NXPE2: variants seen among roughly 807,000 people sequenced by gnomAD.
NXPE2 encodes NXPE family member 2.
In NXPE2, 34 loss-of-function variants were observed where a neutral mutation model predicts 34.4. That is an observed-to-expected ratio of 0.99 (90% CI 0.75 to 1.31). The LOEUF (loss-of-function observed/expected upper bound fraction) is 1.31. Ranked by LOEUF, NXPE2 falls within the 40% of genes most tolerant of loss-of-function variation. The pLI, the probability that NXPE2 is intolerant of heterozygous loss-of-function variation, is 0.00. For missense variants in NXPE2, 649 were observed against 672.5 expected, an observed-to-expected ratio of 0.97 and a Z score of 0.39; for synonymous variants, 235 against 231.3, an observed-to-expected ratio of 1.02 and a Z score of -0.15.
chr11:114,617,246 A>G, the NXPE2 span, among the ~76,000 whole-genome samples: 9 of 152,214 alleles, frequency 5.9e-5, no homozygotes, highest in East Asian at 1.4e-3. Flanking sequence ...GTGGGTAACC[A>G]CTGTTACCTG....
At chr11:114,729,192 A>G in the NXPE2 span, among the ~76,000 whole-genome samples, 1 of 152,108 alleles carries the variant, frequency 6.6e-6, no homozygotes, top group Non-Finnish European at 1.5e-5. Flanking sequence ...TCCTGCGTTC[A>G]GTTGCTTAGC....
the NXPE2 span, chr11:114,551,326 C>T: frequency 1.5e-6 from 2 of 1,379,236 alleles, no homozygotes; most frequent in Non-Finnish European, 1.9e-6. Context: ...TTTTGTGAGT[C>T]ACTGTCTTCT....
the NXPE2 span, among the ~76,000 whole-genome samples, chr11:114,566,803 C>G: frequency 6.6e-6 from 1 of 151,600 alleles, no homozygotes; most frequent in African/African-American, 2.4e-5. Flanking sequence ...TTTATGTTTT[C>G]TTTTTTAAGA....
At chr11:114,747,113 A>C in the NXPE2 span, among the ~76,000 whole-genome samples, 1 of 152,170 alleles carries the variant, frequency 6.6e-6, no homozygotes, top group Non-Finnish European at 1.5e-5. Context: ...CCCTCTATCC[A>C]GATTCCTTTC....
At chr11:114,655,596 G>A in the NXPE2 span, among the ~76,000 whole-genome samples, 1 of 152,126 alleles carries the variant, frequency 6.6e-6, no homozygotes, top group East Asian at 1.9e-4. Flanking sequence ...TTTCCCCATT[G>A]CTTGTTTTTG....
At chr11:114,514,224 A>T in the NXPE2 span, among the ~76,000 whole-genome samples, 1 of 152,150 alleles carries the variant, frequency 6.6e-6, no homozygotes, top group African/African-American at 2.4e-5. Flanking sequence ...ATTCTACTGT[A>T]TGGATTATTT....
chr11:114,758,284 G>T, the NXPE2 span, among the ~76,000 whole-genome samples: 1 of 152,092 alleles, frequency 6.6e-6, no homozygotes. Context: ...ACAATGGAGT[G>T]GAATGACCCT....
the NXPE2 span, among the ~76,000 whole-genome samples, chr11:114,572,010 C>G: frequency 2.6e-5 from 4 of 152,210 alleles, no homozygotes; most frequent in African/African-American, 7.2e-5. Flanking sequence ...CACTCCCCTG[C>G]TAACTCCACT....
the NXPE2 span, chr11:114,580,387 G>T: frequency 6.5e-7 from 1 of 1,527,678 alleles, no homozygotes; most frequent in Non-Finnish European, 9.0e-7. Context: ...CAAATTACCC[G>T]TCAGTATGTA....
At chr11:114,717,264 A>C in the NXPE2 span, among the ~76,000 whole-genome samples, 1 of 152,146 alleles carries the variant, frequency 6.6e-6, no homozygotes, top group African/African-American at 2.4e-5. Flanking sequence ...GTGCAGATGA[A>C]CAGTGGTGTG....
chr11:114,780,433 G>C, the NXPE2 span, among the ~76,000 whole-genome samples: 1 of 152,240 alleles, frequency 6.6e-6, no homozygotes, highest in Admixed American at 6.5e-5. Flanking sequence ...AGAGGCACAG[G>C]AAGGGGAGGA....
At chr11:114,722,222 G>GT in the NXPE2 span, among the ~76,000 whole-genome samples, 1 of 152,172 alleles carries the variant, frequency 6.6e-6, no homozygotes, top group African/African-American at 2.4e-5. Flanking sequence ...CATGGGAGCA[G>GT]TTTCCCCCAT....
the NXPE2 span, among the ~76,000 whole-genome samples, chr11:114,735,875 A>G: frequency 1.3e-5 from 2 of 152,130 alleles, no homozygotes; most frequent in Admixed American, 1.3e-4. Flanking sequence ...TTCACCCCCG[A>G]TATTTCACAT....
At chr11:114,642,052 AG>A in the NXPE2 span, among the ~76,000 whole-genome samples, 2 of 152,240 alleles carry the variant, frequency 1.3e-5, no homozygotes, top group African/African-American at 4.8e-5. Context: ...TTCTTTCCAA[AG>A]AATACAGCAT....
At chr11:114,728,226 A>T in the NXPE2 span, among the ~76,000 whole-genome samples, 1 of 152,062 alleles carries the variant, frequency 6.6e-6, no homozygotes, top group South Asian at 2.1e-4. Context: ...AGAATCAAGA[A>T]TAGTTTCTCA....
the NXPE2 span, among the ~76,000 whole-genome samples, chr11:114,713,608 T>G: frequency 6.6e-6 from 1 of 152,302 alleles, no homozygotes; most frequent in African/African-American, 2.4e-5. Flanking sequence ...AAGTCAGATA[T>G]AGGTGGACCA....
chr11:114,759,027 C>A, the NXPE2 span, among the ~76,000 whole-genome samples: 1 of 152,106 alleles, frequency 6.6e-6, no homozygotes, highest in African/African-American at 2.4e-5. Context: ...TCACATCCTA[C>A]ACTCACACCC....
At chr11:114,688,678 A>G (rs974267813) in intron 2 of NXPE2, among the ~76,000 whole-genome samples, 4 of 152,010 alleles carry the variant, frequency 2.6e-5, no homozygotes, top group African/African-American at 9.7e-5. Context: ...TCTTCTTTGT[A>G]TGTCTGGTAG....
the NXPE2 span, among the ~76,000 whole-genome samples, chr11:114,670,879 C>T: frequency 6.6e-6 from 1 of 151,236 alleles, no homozygotes; most frequent in African/African-American, 2.4e-5. Context: ...GCAATGGAAA[C>T]CGCCTCTGAG....
Sources: gnomAD v4.1 joint callset for allele counts (sites outside exome capture counted in the v4.1 genomes callset) on GRCh38, gnomAD v4.1.1 for gene constraint, MANE v1.5 for transcripts, NCBI Gene and HGNC (gene_info 2026-07-23, HGNC 2026-07-21) for gene names.